SYNE1: variants seen among roughly 807,000 people sequenced by gnomAD.
SYNE1 encodes the protein nesprin-1.
A neutral mutation model predicts 1,111.0 loss-of-function variants in SYNE1; 616 were observed. The ratio of observed to expected loss-of-function variants is 0.55; its 90% CI spans 0.52 to 0.59. The LOEUF (loss-of-function observed/expected upper bound fraction) is 0.59. Ranked by LOEUF, SYNE1 falls within the 20% of genes least tolerant of loss-of-function variation. The pLI, the probability that SYNE1 is intolerant of heterozygous loss-of-function variation, is 0.00. For synonymous variants in SYNE1, 3,855 were observed against 3,825.8 expected, an observed-to-expected ratio of 1.01 and a Z score of -0.28; for missense variants, 10,006 against 10,417.0, an observed-to-expected ratio of 0.96 and a Z score of 1.72.
intron 46 of SYNE1, 109 bp downstream of exon 46, chr6:152,404,104 G>GATATACAT (rs1554635407): frequency 1.5e-5 from 8 of 544,900 alleles, no homozygotes; most frequent in Non-Finnish European, 2.2e-5. Context: ...AGATATATGA[G>GATATACAT]ATATATATAT....
intron 38 of SYNE1, 138 bp from the exon 39 acceptor site, chr6:152,425,685 T>C: frequency 4.1e-6 from 4 of 980,300 alleles, no homozygotes; most frequent in Non-Finnish European, 6.3e-6. Flanking sequence ...AGAGAGTTTT[T>C]ATTACTTGAT....
intron 6 of SYNE1, among the ~76,000 whole-genome samples, chr6:152,514,289 T>C (rs1400434433): frequency 6.6e-6 from 1 of 152,172 alleles, no homozygotes; most frequent in African/African-American, 2.4e-5. Context: ...CATGGAATAC[T>C]ATGCAGCCAT....
intron 3 of SYNE1, among the ~76,000 whole-genome samples, chr6:152,567,621 T>C (rs2099418339): frequency 6.6e-6 from 1 of 152,174 alleles, no homozygotes; most frequent in African/African-American, 2.4e-5. Flanking sequence ...CCTGAAACTC[T>C]CCTTCTATTC....
Position 152,232,199 on chromosome 6 carries a change from C to T in SYNE1, c.20779G>A (p.Glu6927Lys), listed in dbSNP as rs1399115677. ...SEVMSWISLM[E>K]NVIQKDEDNI... ...TCTTCATCCTTCTGAATAACATTTT[C>T]CATTAGAGAAATCCAACTCATGACT... The change falls in exon 113 of 146, where the codon GAA becomes AAA. Residue 6927 changes from glutamate (E) to lysine (K), a missense_variant. Physicochemically the swap from Glu to Lys is moderately conservative, Grantham distance 56. Around this residue, in one of 7 missense-constraint regions of SYNE1, gnomAD observed 2,182 missense variants for 2,287.8 expected, o/e 0.95. Transcript: ENST00000367255. 4 of 1,613,452 alleles carry T rather than the reference C, an allele frequency of 2.5e-6. No homozygotes were observed. The highest frequency in any genetic ancestry group is 3.3e-5 in the Admixed American group (2 of 59,994).
chr6:152,332,762 G>C (rs2096277261), intron 77 of SYNE1, among the ~76,000 whole-genome samples: 1 of 152,178 alleles, frequency 6.6e-6, no homozygotes, highest in Admixed American at 6.5e-5. Flanking sequence ...TTAGTAATAA[G>C]TGTGAAATGT....
At chr6:152,325,907 T>C (rs2153952325) in intron 80 of SYNE1, 51 bp downstream of exon 80, 1 of 1,603,562 alleles carries the variant, frequency 6.2e-7, no homozygotes, top group Non-Finnish European at 8.5e-7. Flanking sequence ...TTGCAAAGAC[T>C]CATTATAATT....
intron 141 of SYNE1, among the ~76,000 whole-genome samples, chr6:152,136,368 C>T (rs113463104): frequency 5.8e-4 from 88 of 152,278 alleles, no homozygotes; most frequent in African/African-American, 1.9e-3. Flanking sequence ...AGCGTTGCGA[C>T]GGAGATAAAC....
At chr6:152,428,064 C>G (rs2098387128) in intron 37 of SYNE1, 141 bp downstream of exon 37, 15 of 1,254,274 alleles carry the variant, frequency 1.2e-5, no homozygotes, top group Non-Finnish European at 1.6e-5. Context: ...TGCCTTATAA[C>G]AAAGATCAAG....
intron 3 of SYNE1, among the ~76,000 whole-genome samples, chr6:152,600,365 T>C (rs1346312384): frequency 1.3e-5 from 2 of 152,202 alleles, no homozygotes; most frequent in African/African-American, 4.8e-5. Context: ...CTCAAATGGC[T>C]GGTAAAGGGT....
intron 145 of SYNE1, chr6:152,127,627 T>C (rs188858530): frequency 2.6e-5 from 4 of 152,266 alleles, no homozygotes; most frequent in East Asian, 1.9e-4. Flanking sequence ...CTACCTCAAA[T>C]AGCAACAGAG....
intron 3 of SYNE1, among the ~76,000 whole-genome samples, chr6:152,580,138 A>G (rs757928671): frequency 6.6e-6 from 1 of 152,196 alleles, no homozygotes. Flanking sequence ...CCAGCAATGT[A>G]TAGGTGTTCC....
intron 4 of SYNE1, among the ~76,000 whole-genome samples, chr6:152,533,156 G>C (rs186215021): frequency 1.3e-5 from 2 of 152,026 alleles, no homozygotes; most frequent in African/African-American, 4.8e-5. Flanking sequence ...AAAACTGTAT[G>C]TGTAATCTGC....
intron 142 of SYNE1, 101 bp from the exon 143 acceptor site, chr6:152,133,589 T>C: frequency 1.7e-6 from 2 of 1,154,528 alleles, no homozygotes; most frequent in East Asian, 2.5e-5. Context: ...TGGGAAATTA[T>C]ACCTGAGCAT....
chr6:152,416,727 A>T lies in SYNE1; in HGVS notation c.5710T>A (p.Leu1904Met), dbSNP rs372724272. 1.1e-5 allele frequency: 18 copies of T among 1,614,068 alleles called. No individual in the cohort carries two copies. The highest frequency in any genetic ancestry group is 1.6e-4 in the Middle Eastern group (1 of 6,084). The change falls in exon 41 of 146, where the codon TTG (leucine) becomes ATG (methionine). Residue 1904 changes from leucine to methionine, a missense_variant. By Grantham distance (15) the Leu-to-Met change is conservative. Coordinates refer to ENST00000367255, the MANE Select transcript of SYNE1 (RefSeq NM_182961.4). ...GCATCATTGAGGTCCTTTTCTATCA[A>T]ATCAGACTCGTTCTTATTCATACTG... ...TNSMNKNESD[L>M]IEKDLNDALQ...
At chr6:152,494,967 C>G (rs1053763151) in intron 11 of SYNE1, among the ~76,000 whole-genome samples, 5 of 152,148 alleles carry the variant, frequency 3.3e-5, no homozygotes, top group African/African-American at 9.7e-5. Flanking sequence ...ACCTATCAAT[C>G]CCTCCCTACT....
rs374083524 is a variant in SYNE1, at chr6:152,234,690, C to T, written c.20507G>A (p.Arg6836His). 2.9e-5 allele frequency: 47 copies of T among 1,614,076 alleles called. No homozygotes were observed. The highest frequency in any genetic ancestry group is 2.5e-4 in the South Asian group (23 of 91,086). Reference protein sequence around the residue: ...VTVPQELEMVRDHLNAFLEFS... With the variant: ...VTVPQELEMVHDHLNAFLEFS... ...TACCAGGAAAGCATTTAGATGATCA[C>T]GGACCATTTCCAGCTCTTGTGGGAC... The change falls in exon 111 of 146, where the codon CGT becomes CAT. Residue 6836 changes from arginine to histidine, a missense_variant. Arg to His is a conservative substitution (Grantham distance 29). Coordinates refer to ENST00000367255, the MANE Select transcript of SYNE1 (RefSeq NM_182961.4).
chr6:152,441,364 A>G, intron 31 of SYNE1, 94 bp from the exon 32 acceptor site: 1 of 1,352,692 alleles, frequency 7.4e-7, no homozygotes, highest in Non-Finnish European at 1.0e-6. Context: ...CTTTCAGCGA[A>G]TTCTCATTTC....
intron 69 of SYNE1, among the ~76,000 whole-genome samples, 178 bp from the exon 70 acceptor site, chr6:152,352,531 T>C (rs2096760099): frequency 1.3e-5 from 2 of 152,202 alleles, no homozygotes; most frequent in East Asian, 1.9e-4. Flanking sequence ...GCCTCCAAAG[T>C]AGCTGGGACT....
intron 115 of SYNE1, among the ~76,000 whole-genome samples, chr6:152,229,053 G>A (rs572136358): frequency 3.9e-5 from 6 of 152,194 alleles, no homozygotes; most frequent in Non-Finnish European, 7.4e-5. Context: ...TTTCAGAACC[G>A]AAAAGCTTTG....
Sources: allele counts gnomAD v4.1 joint callset (sites outside exome capture counted in the v4.1 genomes callset), GRCh38; gene constraint gnomAD v4.1.1; regional missense constraint gnomAD v4.1.1; transcripts MANE v1.5; gene names NCBI Gene and HGNC (gene_info 2026-07-23, HGNC 2026-07-21).